Variants in LSAMP observed in about 807,000 individuals in gnomAD.
LSAMP encodes the protein limbic system-associated membrane protein.
Under a neutral mutation model 38.6 loss-of-function variants are expected in LSAMP, and 7 were observed. The ratio of observed to expected loss-of-function variants is 0.18; its 90% CI spans 0.10 to 0.34. The LOEUF (loss-of-function observed/expected upper bound fraction) is 0.34, where lower values mean the gene tolerates loss of function less well. LSAMP is among the 10% of genes least tolerant of loss of function. The pLI is 1.00. For missense variants in LSAMP, 313 were observed against 420.0 expected (o/e 0.75, Z 2.23); for synonymous variants, 154 against 166.8 (o/e 0.92, Z 0.59).
intron 3 of LSAMP, among the ~76,000 whole-genome samples, chr3:115,972,293 T>C (rs1939043991): frequency 6.6e-6 from 1 of 152,078 alleles, no homozygotes; most frequent in Non-Finnish European, 1.5e-5. Flanking sequence ...AAGTAAATTA[T>C]CTGCTTCTAA....
chr3:115,999,660 T>C (rs1262521821), intron 3 of LSAMP, among the ~76,000 whole-genome samples: 3 of 152,166 alleles, frequency 2.0e-5, no homozygotes, highest in Non-Finnish European at 2.9e-5. Context: ...TGAAGGTGGT[T>C]TGGTAAACCA....
intron 1 of LSAMP, among the ~76,000 whole-genome samples, chr3:116,346,036 G>A (rs1034658895): frequency 2.0e-5 from 3 of 152,194 alleles, no homozygotes; most frequent in African/African-American, 7.2e-5. Flanking sequence ...GATGAAGGAA[G>A]AAACCAGGGT....
At chr3:116,176,386 A>C (rs1710339028) in intron 1 of LSAMP, among the ~76,000 whole-genome samples, 1 of 152,298 alleles carries the variant, frequency 6.6e-6, no homozygotes, top group Admixed American at 6.5e-5. Flanking sequence ...ACTGGAACGC[A>C]AAGGACCATT....
intron 1 of LSAMP, among the ~76,000 whole-genome samples, chr3:116,327,605 C>T (rs1205256289): frequency 1.3e-5 from 2 of 152,156 alleles, no homozygotes; most frequent in African/African-American, 4.8e-5. Flanking sequence ...CTGGGATATG[C>T]TAAAGTATTT....
chr3:116,136,905 G>A (rs763665106), intron 1 of LSAMP, among the ~76,000 whole-genome samples: 4 of 152,070 alleles, frequency 2.6e-5, no homozygotes, highest in African/African-American at 4.8e-5. Flanking sequence ...CCTAGGGACT[G>A]CCATAAAAAA....
intron 3 of LSAMP, among the ~76,000 whole-genome samples, chr3:115,983,201 A>G (rs975278289): frequency 2.0e-5 from 3 of 152,120 alleles, no homozygotes; most frequent in Non-Finnish European, 4.4e-5. Flanking sequence ...AGCATTTGAC[A>G]TGGTATTTAG....
intron 1 of LSAMP, among the ~76,000 whole-genome samples, chr3:116,133,090 T>G (rs1709170356): frequency 6.6e-6 from 1 of 152,194 alleles, no homozygotes; most frequent in African/African-American, 2.4e-5. Context: ...AACAGGAAGC[T>G]GCAGAAAAAA....
intron 6 of LSAMP, among the ~76,000 whole-genome samples, chr3:115,826,588 C>A (rs1230037105): frequency 6.6e-6 from 1 of 152,198 alleles, no homozygotes; most frequent in Non-Finnish European, 1.5e-5. Context: ...CCTCTTAGTG[C>A]AGAGGCTGTA....
intron 3 of LSAMP, among the ~76,000 whole-genome samples, chr3:115,959,467 GA>G (rs1322335178): frequency 6.6e-6 from 1 of 152,160 alleles, no homozygotes; most frequent in East Asian, 1.9e-4. Context: ...ACTTTGGTTG[GA>G]AAAATTGAGG....
At chr3:116,186,150 T>A (rs184063493) in intron 1 of LSAMP, among the ~76,000 whole-genome samples, 10 of 152,196 alleles carry the variant, frequency 6.6e-5, no homozygotes, top group African/African-American at 2.2e-4. Flanking sequence ...CAGGCCAGGG[T>A]GGCCCTTTTT....
At chr3:116,263,486 C>T (rs2046854299) in intron 1 of LSAMP, among the ~76,000 whole-genome samples, 1 of 149,550 alleles carries the variant, frequency 6.7e-6, no homozygotes, top group Non-Finnish European at 1.5e-5. Flanking sequence ...TGCAGCCAGC[C>T]AAGATCGCGC....
intron 1 of LSAMP, among the ~76,000 whole-genome samples, chr3:116,252,061 C>T (rs16845196): frequency 0.13 from 19,738 of 152,178 alleles, 1,440 homozygotes; most frequent in Admixed American, 0.19. Flanking sequence ...TGTCAGCTCT[C>T]GTTAGGAGCG....
At chr3:116,383,435 A>G (rs2048587738) in intron 1 of LSAMP, among the ~76,000 whole-genome samples, 1 of 152,170 alleles carries the variant, frequency 6.6e-6, no homozygotes, top group Non-Finnish European at 1.5e-5. Context: ...AGGGAAATGT[A>G]GAATTCTATT....
At chr3:116,259,120 G>T (rs1055476392) in intron 1 of LSAMP, among the ~76,000 whole-genome samples, 2 of 152,072 alleles carry the variant, frequency 1.3e-5, no homozygotes, top group African/African-American at 4.8e-5. Flanking sequence ...TAGAACAGGA[G>T]AAATTCTACA....
In LSAMP at chr3:116,130,609, T is replaced by G. The variant is rs539309425; in HGVS notation, c.156-44053A>C. 2.6e-5 allele frequency among the ~76,000 whole-genome samples: 4 copies of G among 152,346 alleles called. No homozygotes were observed. The South Asian group carries it at 8.3e-4, about 32-fold the overall frequency. ...AAATATAATTTGAAAATGGGCTTCTTTTTGATGGTAATAATGGGAATCCAA... is the reference window on the plus strand; with the variant it reads ...AAATATAATTTGAAAATGGGCTTCTGTTTGATGGTAATAATGGGAATCCAA... On this transcript the variant is annotated intron_variant, in intron 1 of 6. Transcript: ENST00000490035.
intron 1 of LSAMP, among the ~76,000 whole-genome samples, chr3:116,167,498 A>G (rs1355759708): frequency 6.6e-6 from 1 of 152,232 alleles, no homozygotes; most frequent in East Asian, 1.9e-4. Flanking sequence ...TAAAGAGTGT[A>G]GCTGGCCTTT....
intron 1 of LSAMP, among the ~76,000 whole-genome samples, chr3:116,436,747 C>T (rs2049355196): frequency 6.6e-6 from 1 of 152,080 alleles, no homozygotes; most frequent in South Asian, 2.1e-4. Context: ...TAAACTAGTA[C>T]AGCCACTATG....
At chr3:116,394,245 A>AT (rs2048740120) in intron 1 of LSAMP, among the ~76,000 whole-genome samples, 2 of 152,214 alleles carry the variant, frequency 1.3e-5, no homozygotes, top group African/African-American at 4.8e-5. Context: ...CCTTATGGAT[A>AT]TTTCACTGCA....
chr3:115,875,394 C>T lies in LSAMP; in HGVS notation c.515-22777G>A, dbSNP rs577538455. Among the ~76,000 whole-genome samples, 10 of 152,076 alleles carry T rather than the reference C, an allele frequency of 6.6e-5. No homozygotes were observed. The East Asian group carries it at 9.7e-4, about 15-fold the overall frequency. On this transcript the variant is annotated intron_variant, in intron 3 of 6. Transcript: ENST00000490035. ...AAGTGGCTGCTGCATTTTATTTTAACGAATGTGATGGGTTATCAAAATTGC... is the reference window on the plus strand; with the variant it reads ...AAGTGGCTGCTGCATTTTATTTTAATGAATGTGATGGGTTATCAAAATTGC...
Sources: gnomAD v4.1 joint callset for allele counts (sites outside exome capture counted in the v4.1 genomes callset) on GRCh38, gnomAD v4.1.1 for gene constraint, MANE v1.5 for transcripts, NCBI Gene and HGNC (gene_info 2026-07-23, HGNC 2026-07-21) for gene names.